Variants in TANC2 observed in about 807,000 individuals in gnomAD.
TANC2 encodes the protein protein TANC2.
Under a neutral mutation model 210.5 loss-of-function variants are expected in TANC2, and 26 were observed. The observed-to-expected ratio is 0.12, with a 90% CI of 0.09 to 0.17. The LOEUF is 0.17. TANC2 is among the 10% of genes least tolerant of loss of function. The probability of loss-of-function intolerance (pLI) is 1.00; values close to 1 mark genes in which losing one functional copy is unlikely to be tolerated. For synonymous variants in TANC2, 931 were observed against 967.1 expected (o/e 0.96, Z 0.69); for missense variants, 2,129 against 2,608.9 (o/e 0.82, Z 4.01).
intron 17 of TANC2, among the ~76,000 whole-genome samples, chr17:63,395,194 C>T (rs1004137291): frequency 6.6e-6 from 1 of 152,194 alleles, no homozygotes; most frequent in Non-Finnish European, 1.5e-5. Flanking sequence ...AGAAGTGCCT[C>T]TAGCCATTTG....
At chr17:63,045,231 A>G (rs1198665037) in intron 2 of TANC2, among the ~76,000 whole-genome samples, 1 of 152,214 alleles carries the variant, frequency 6.6e-6, no homozygotes, top group Non-Finnish European at 1.5e-5. Context: ...CAGGGAGCAT[A>G]TGCTCTGCAA....
At position 63,126,396 on chromosome 17, in the gene TANC2, G is replaced by C. The variant is rs1016070123; in HGVS notation, c.323-24874G>C. Among the ~76,000 whole-genome samples the C allele has an allele frequency of 4.6e-5, 7 of 151,940 alleles. No homozygotes were observed. The East Asian group carries it at 9.6e-4, about 21-fold the overall frequency. ...CTTTACTCACTAAGGTTTTTTTAGT[G>C]GGGGGTTTAGTTGTTGCTGCTGTTG... is the stretch of plus-strand genomic sequence containing the variant. On this transcript the variant is annotated intron_variant, in intron 4 of 27. Transcript: ENST00000689528.
chr17:63,357,174 C>T (rs752518612), intron 14 of TANC2, among the ~76,000 whole-genome samples: 3 of 152,142 alleles, frequency 2.0e-5, no homozygotes, highest in Non-Finnish European at 2.9e-5. Context: ...GCCTAATAAA[C>T]GCTTTGAGAT....
chr17:62,980,660 CA>C (rs2032254227), intron 1 of TANC2, among the ~76,000 whole-genome samples: 1 of 152,156 alleles, frequency 6.6e-6, no homozygotes, highest in Admixed American at 6.5e-5. Flanking sequence ...ACTCTCAGGG[CA>C]TCTGCATTAA....
intron 3 of TANC2, among the ~76,000 whole-genome samples, chr17:63,093,159 A>T (rs1361409820): frequency 6.6e-6 from 1 of 151,930 alleles, no homozygotes; most frequent in Non-Finnish European, 1.5e-5. Context: ...TACCTGACCC[A>T]AGGTCACACA....
intron 24 of TANC2, 75 bp from the exon 25 acceptor site, chr17:63,413,468 A>AT (rs1245910981): frequency 3.1e-5 from 37 of 1,199,772 alleles, no homozygotes; most frequent in Non-Finnish European, 3.0e-5. Flanking sequence ...CCCCTAGGGT[A>AT]TTTTTTTCAC....
At chr17:63,186,593 T>C (rs2040993486) in intron 5 of TANC2, among the ~76,000 whole-genome samples, 1 of 152,056 alleles carries the variant, frequency 6.6e-6, no homozygotes, top group African/African-American at 2.4e-5. Context: ...CCTCAGGTGA[T>C]CCACCCCCCG....
intron 8 of TANC2, among the ~76,000 whole-genome samples, chr17:63,248,083 G>A (rs943666961): frequency 1.3e-5 from 2 of 152,022 alleles, no homozygotes; most frequent in Non-Finnish European, 2.9e-5. Flanking sequence ...GTAAATATTT[G>A]ATAAAACCAC....
intron 1 of TANC2, among the ~76,000 whole-genome samples, chr17:62,999,647 A>G (rs182876699): frequency 2.8e-4 from 43 of 152,174 alleles, no homozygotes; most frequent in African/African-American, 9.9e-4. Flanking sequence ...TAGCTAATCA[A>G]CTATTATTAG....
intron 14 of TANC2, among the ~76,000 whole-genome samples, chr17:63,356,438 C>T (rs900081894): frequency 1.3e-5 from 2 of 152,090 alleles, no homozygotes; most frequent in Non-Finnish European, 2.9e-5. Flanking sequence ...ACATGTGACT[C>T]ATCAGAAAGA....
chr17:63,354,602 G>A lies in TANC2; in HGVS notation c.1975-181G>A, dbSNP rs757464090. Among the ~76,000 whole-genome samples, 29 of 152,276 alleles carry A rather than the reference G, an allele frequency of 1.9e-4. No homozygotes were observed. The South Asian group carries it at 2.5e-3, about 13-fold the overall frequency. On this transcript the variant is annotated intron_variant, in intron 13 of 27. Transcript: ENST00000689528. ...AATATATCTTAAGTCTCAATGTTAG[G>A]AGAAGTTGTGTCCCTTCTATGCAAC...
At chr17:63,137,441 A>AT (rs2039128910) in intron 4 of TANC2, among the ~76,000 whole-genome samples, 1 of 152,196 alleles carries the variant, frequency 6.6e-6, no homozygotes, top group African/African-American at 2.4e-5. Flanking sequence ...TTCCCTTGTA[A>AT]TTCTTCTTTG....
chr17:63,395,105 A>G (rs62075014), intron 17 of TANC2, among the ~76,000 whole-genome samples: 55 of 152,346 alleles, frequency 3.6e-4, no homozygotes, highest in East Asian at 2.1e-3. Context: ...TGGTAAATCA[A>G]TCTTGATCAG....
chr17:63,271,274 C>T lies in TANC2; in HGVS notation c.1159+3401C>T, dbSNP rs183079496. 1.5e-3 allele frequency among the ~76,000 whole-genome samples: 234 copies of T among 152,152 alleles called. 1 individual carries two copies. Among genetic ancestry groups the T allele is most frequent in the African/African-American group, 5.5e-3 (227 of 41,520 alleles). ...GTGGTTGAACTGATTGTGGAAAACA[C>T]TCCCACCAACTGTGTATAAGTGTTC... is the stretch of plus-strand genomic sequence containing the variant. On this transcript the variant is annotated intron_variant, in intron 9 of 27. Transcript: ENST00000689528.
chr17:63,354,972 A>T (rs766274909), exon 14 of TANC2: 1 of 1,613,748 alleles, frequency 6.2e-7, no homozygotes, highest in Non-Finnish European at 8.5e-7. Flanking sequence ...TCATCTCAAG[A>T]CCCTCAGTCA....
intron 12 of TANC2, among the ~76,000 whole-genome samples, chr17:63,349,628 T>C (rs1376502842): frequency 6.6e-6 from 1 of 152,210 alleles, no homozygotes; most frequent in African/African-American, 2.4e-5. Context: ...CTTGAAAATA[T>C]TGCAGTGGCC....
chr17:63,421,066 A>C lies in TANC2; in HGVS notation c.5336A>C (p.Glu1779Ala). 6.2e-7 allele frequency: 1 copy of C among 1,613,976 alleles called. No individual in the cohort carries two copies. Among genetic ancestry groups the C allele is most frequent in the African/African-American group, 1.3e-5 (1 of 75,040 alleles). ...TGTCAGCATGGAGGATTGACCAAAG[A>C]GGATCTTCCACAGCGACCTTCCTCA... is the stretch of plus-strand genomic sequence containing the variant. The change falls in exon 28 of 28, where the codon GAG becomes GCG. Residue 1779 changes from glutamate (E) to alanine (A), a missense_variant. Transcript: ENST00000689528. This position sits in a 1 kb window ranked among gnomAD's most constrained non-coding sequence, Gnocchi z 6.9.
chr17:63,127,395 C>A (rs1424466138), intron 4 of TANC2, among the ~76,000 whole-genome samples: 1 of 151,960 alleles, frequency 6.6e-6, no homozygotes, highest in Non-Finnish European at 1.5e-5. Flanking sequence ...CAGATTATGC[C>A]TTGGATTTTG....
intron 9 of TANC2, among the ~76,000 whole-genome samples, chr17:63,298,793 T>C (rs1368276332): frequency 6.6e-6 from 1 of 152,204 alleles, no homozygotes; most frequent in Non-Finnish European, 1.5e-5. Context: ...AGGATACAAG[T>C]GCAGAACTTG....
Sources: allele counts gnomAD v4.1 joint callset (sites outside exome capture counted in the v4.1 genomes callset), GRCh38; gene constraint gnomAD v4.1.1; non-coding constraint Gnocchi (gnomAD v3.1); transcripts MANE v1.5; gene names NCBI Gene and HGNC (gene_info 2026-07-23, HGNC 2026-07-21).